Variants in RNF138 observed in about 807,000 individuals in gnomAD.
The protein encoded by RNF138 is E3 ubiquitin-protein ligase RNF138.
RNF138 carries 12 observed loss-of-function variants against 31.0 expected under a neutral mutation model. The ratio of observed to expected loss-of-function variants is 0.39; its 90% CI spans 0.25 to 0.63. The LOEUF (loss-of-function observed/expected upper bound fraction) is 0.63, where lower values mean the gene tolerates loss of function less well. Among genes scored for constraint, RNF138 ranks in the 20% least tolerant of loss-of-function variants. The pLI is 0.52. For missense variants in RNF138, 192 were observed against 300.1 expected (o/e 0.64, Z 2.66); for synonymous variants, 105 against 99.5 (o/e 1.06, Z -0.33).
chr18:32,110,840 G>GTGCAATCTCGGCTCAC (rs2040115549), intron 2 of RNF138, among the ~76,000 whole-genome samples: 2 of 151,928 alleles, frequency 1.3e-5, no homozygotes, highest in Admixed American at 6.6e-5. Flanking sequence ...GAGTGCAGTG[G>GTGCAATCTCGGCTCAC]TGCAATCTCG....
intron 4 of RNF138, among the ~76,000 whole-genome samples, chr18:32,121,559 A>G (rs1441243326): frequency 6.6e-6 from 1 of 152,222 alleles, no homozygotes; most frequent in African/African-American, 2.4e-5. Flanking sequence ...TGAAATTTTC[A>G]TCCTCCCCAA....
intron 2 of RNF138, among the ~76,000 whole-genome samples, chr18:32,101,397 A>T (rs1441483033): frequency 6.6e-6 from 1 of 150,746 alleles, no homozygotes; most frequent in Non-Finnish European, 1.5e-5. Flanking sequence ...TTTTGTGTAT[A>T]TATATATATT....
chr18:32,125,055 C>T, intron 6 of RNF138: 1 of 490,572 alleles, frequency 2.0e-6, no homozygotes, highest in South Asian at 2.5e-5. Context: ...AAGGGAGATG[C>T]ATAGTGTGAG....
Position 32,121,302 on chromosome 18 carries a change from C to A in RNF138, c.393-2216C>A, listed in dbSNP as rs577488367. 2.6e-5 allele frequency among the ~76,000 whole-genome samples: 4 copies of A among 152,214 alleles called. No individual in the cohort carries two copies. In the South Asian group the frequency reaches 8.3e-4, roughly 32 times the overall value. The stretch of plus-strand genomic sequence containing the variant: ...CCTGAGGTTGGGAGTTTGAGACCAG[C>A]CTGACCAACATGGAGAAACTCCGTC... On this transcript the variant is annotated intron_variant, in intron 4 of 7. Coordinates refer to ENST00000261593, the MANE Select transcript of RNF138 (RefSeq NM_016271.5).
intron 2 of RNF138, among the ~76,000 whole-genome samples, chr18:32,095,194 T>C (rs9963611): frequency 0.015 from 2,330 of 152,104 alleles, 63 homozygotes; most frequent in African/African-American, 0.053. Context: ...TTTTGAGACA[T>C]GGTCTTATTC....
At chr18:32,097,040 A>G (rs2039820823) in intron 2 of RNF138, among the ~76,000 whole-genome samples, 1 of 151,988 alleles carries the variant, frequency 6.6e-6, no homozygotes, top group African/African-American at 2.4e-5. Context: ...CAGATGTAAT[A>G]TTTTGAAAAA....
At chr18:32,094,646 A>G (rs974649437) in intron 2 of RNF138, among the ~76,000 whole-genome samples, 9 of 152,178 alleles carry the variant, frequency 5.9e-5, no homozygotes, top group African/African-American at 1.9e-4. Context: ...GGCACAATAT[A>G]GATCTTCCAC....
At chr18:32,114,252 T>TAA (rs1276746308) in intron 4 of RNF138, among the ~76,000 whole-genome samples, 1 of 152,180 alleles carries the variant, frequency 6.6e-6, no homozygotes, top group Non-Finnish European at 1.5e-5. Flanking sequence ...GGGATAGACT[T>TAA]AGAGTTTGAA....
Position 32,128,894 on chromosome 18 carries a change from T to A in RNF138, c.670-225T>A, listed in dbSNP as rs548814939. ...TCTGTGATGATCCTCTCTGTTTGTT[T>A]GTTATTCTTGAACAGTTACAACTGA... On this transcript the variant is annotated intron_variant, in intron 7 of 7. Coordinates refer to ENST00000261593, the MANE Select transcript of RNF138 (RefSeq NM_016271.5). Among the ~76,000 whole-genome samples, 5 of 151,062 alleles carry A rather than the reference T, an allele frequency of 3.3e-5. No individual in the cohort carries two copies. In the East Asian group the frequency reaches 9.7e-4, roughly 29 times the overall value.
intron 2 of RNF138, among the ~76,000 whole-genome samples, chr18:32,104,322 A>T (rs73415860): frequency 0.083 from 12,275 of 147,628 alleles, 632 homozygotes; most frequent in African/African-American, 0.14. Context: ...CTAAAAGTTT[A>T]AAAAAAAAAA....
chr18:32,125,427 T>C (rs1210428849), intron 6 of RNF138, among the ~76,000 whole-genome samples: 2 of 152,184 alleles, frequency 1.3e-5, no homozygotes, highest in Non-Finnish European at 2.9e-5. Context: ...TTCCAACATA[T>C]AATGATCCTA....
At chr18:32,115,835 T>A (rs953630105) in intron 4 of RNF138, among the ~76,000 whole-genome samples, 2 of 152,312 alleles carry the variant, frequency 1.3e-5, no homozygotes, top group Admixed American at 1.3e-4. Context: ...CCTCTCTTTT[T>A]ATAGCCTCTT....
In RNF138 at chr18:32,126,709, T is replaced by C. The variant is rs369606904; in HGVS notation, c.578T>C (p.Val193Ala). 2.1e-5 allele frequency: 34 copies of C among 1,588,792 alleles called. No individual in the cohort carries two copies. The highest frequency in any genetic ancestry group is 2.8e-5 in the Non-Finnish European group (32 of 1,159,072). The change falls in exon 7 of 8, where the codon GTG becomes GCG. Residue 193 changes from valine (V) to alanine (A), a missense_variant. This residue lies in a region of RNF138 where 140 missense variants were observed against 251.7 expected (regional missense o/e 0.56). Coordinates refer to ENST00000261593, the MANE Select transcript of RNF138 (RefSeq NM_016271.5). ...QIVPVTCPIC[V>A]SLPWGDPSQI... Reference sequence around the variant, plus strand: ...TTCTTATAGACATGTCCTATTTGTGTGTCTCTTCCTTGGGGAGATCCTAGC... The same window carrying C: ...TTCTTATAGACATGTCCTATTTGTGCGTCTCTTCCTTGGGGAGATCCTAGC...
intron 2 of RNF138, among the ~76,000 whole-genome samples, chr18:32,097,558 A>T (rs2039832115): frequency 6.6e-6 from 1 of 151,984 alleles, no homozygotes; most frequent in Non-Finnish European, 1.5e-5. Flanking sequence ...ATCTTGGTTT[A>T]CTGTAACCTC....
At chr18:32,119,226 G>A (rs1243689311) in intron 4 of RNF138, among the ~76,000 whole-genome samples, 1 of 152,042 alleles carries the variant, frequency 6.6e-6, no homozygotes, top group Non-Finnish European at 1.5e-5. Flanking sequence ...AGTAGGAGGT[G>A]ATCCATTGTT....
rs1268721452 is a variant in RNF138, at chr18:32,129,298, A to AGTC, written c.*112_*114dup. ...ATGTGTATATTAATAAAAGTAATTCAGTCATTTTAGTTTTTGATTGAAAAT... is the reference window on the plus strand; with the variant it reads ...ATGTGTATATTAATAAAAGTAATTCAGTCGTCATTTTAGTTTTTGATTGAAAAT... On this transcript the variant is annotated 3_prime_UTR_variant, in exon 8 of 8. Transcript: ENST00000261593. The AGTC allele has an allele frequency of 1.5e-6, 1 of 670,648 alleles. No individual in the cohort carries two copies. The highest frequency in any genetic ancestry group is 1.8e-5 in the African/African-American group (1 of 55,374). 41.5% of individuals were successfully genotyped at this position (670,648 alleles called of 1,614,324 possible).
chr18:32,100,221 T>TAA (rs1491029792), intron 2 of RNF138, among the ~76,000 whole-genome samples: 2 of 149,382 alleles, frequency 1.3e-5, no homozygotes, highest in Non-Finnish European at 3.0e-5. Flanking sequence ...TATATATATA[T>TAA]AAAATCTTTG....
chr18:32,128,962 T>C (rs200542926), intron 7 of RNF138, among the ~76,000 whole-genome samples, 157 bp from the exon 8 acceptor site: 3 of 152,242 alleles, frequency 2.0e-5, no homozygotes, highest in African/African-American at 7.2e-5. Flanking sequence ...ATCTTGTATC[T>C]TAAAAGATAC....
intron 2 of RNF138, among the ~76,000 whole-genome samples, chr18:32,102,306 A>G (rs2039957248): frequency 7.4e-6 from 1 of 135,626 alleles, no homozygotes; most frequent in South Asian, 2.2e-4. Context: ...GGTTCACACC[A>G]TTCTCCTGCC....
Sources: allele counts gnomAD v4.1 joint callset (sites outside exome capture counted in the v4.1 genomes callset), GRCh38; gene constraint gnomAD v4.1.1; regional missense constraint gnomAD v4.1.1; transcripts MANE v1.5; gene names NCBI Gene and HGNC (gene_info 2026-07-23, HGNC 2026-07-21).